Variants in PHTF2 observed in about 807,000 individuals in gnomAD.
PHTF2 encodes protein PHTF2.
In PHTF2, 60 loss-of-function variants were observed where a neutral mutation model predicts 101.2. The ratio of observed to expected loss-of-function variants is 0.59; its 90% CI spans 0.48 to 0.73. The LOEUF is 0.73. PHTF2 is among the 30% of genes least tolerant of loss of function. The probability of loss-of-function intolerance (pLI) is 0.00; values close to 1 mark genes in which losing one functional copy is unlikely to be tolerated. For missense variants in PHTF2, 747 were observed against 908.7 expected, an observed-to-expected ratio of 0.82 and a Z score of 2.29; for synonymous variants, 311 against 307.3, an observed-to-expected ratio of 1.01 and a Z score of -0.13.
At chr7:77,947,837 CTT>C (rs71082798) in intron 16 of PHTF2, among the ~76,000 whole-genome samples, 3 of 73,806 alleles carry the variant, frequency 4.1e-5, no homozygotes, top group East Asian at 4.9e-4. Flanking sequence ...TTTTTTCTTT[CTT>C]TTTTTTTTTT....
chr7:77,932,163 G>A (rs557385876), intron 12 of PHTF2, among the ~76,000 whole-genome samples: 52 of 152,284 alleles, frequency 3.4e-4, no homozygotes, highest in African/African-American at 1.2e-3. Context: ...GTGGTAATTA[G>A]GGAAATTGAG....
At chr7:77,947,534 G>C (rs1046497600) in intron 16 of PHTF2, among the ~76,000 whole-genome samples, 1 of 152,090 alleles carries the variant, frequency 6.6e-6, no homozygotes, top group Non-Finnish European at 1.5e-5. Flanking sequence ...CTGCACTCCA[G>C]CCTGGGCGAC....
intron 16 of PHTF2, among the ~76,000 whole-genome samples, chr7:77,944,663 A>G (rs1166925190): frequency 6.6e-6 from 1 of 152,228 alleles, no homozygotes; most frequent in African/African-American, 2.4e-5. Context: ...ACAGTCTAAC[A>G]TGAAGGAGTC....
At position 77,892,120 on chromosome 7, in the gene PHTF2, A is replaced by G. The variant is rs1399829062; in HGVS notation, c.148-1488A>G. ...GTGAAACACCGTCTGTACTAAAAAT[A>G]CAAAAAATTAGCCAGGCGTGTTAAC... On this transcript the variant is annotated intron_variant, in intron 3 of 19. Transcript: ENST00000416283. Among the ~76,000 whole-genome samples, 3 of 152,158 alleles carry G rather than the reference A, an allele frequency of 2.0e-5. No individual in the cohort carries two copies. The East Asian group carries it at 5.8e-4, about 29-fold the overall frequency.
intron 1 of PHTF2, among the ~76,000 whole-genome samples, chr7:77,823,301 A>G (rs1400497027): frequency 1.3e-5 from 2 of 151,396 alleles, no homozygotes; most frequent in African/African-American, 4.9e-5. Context: ...GCTCTCTGCA[A>G]CCTCTGCCTC....
chr7:77,899,452 T>G (rs1289986458), intron 5 of PHTF2, among the ~76,000 whole-genome samples: 1 of 152,100 alleles, frequency 6.6e-6, no homozygotes, highest in African/African-American at 2.4e-5. Flanking sequence ...GTAGGTGTGT[T>G]TGCAATTATG....
intron 16 of PHTF2, among the ~76,000 whole-genome samples, chr7:77,945,076 AC>A (rs1372578631): frequency 6.6e-6 from 1 of 152,242 alleles, no homozygotes; most frequent in African/African-American, 2.4e-5. Flanking sequence ...GTGGTGGCCC[AC>A]GCCTGTAATC....
In PHTF2 at chr7:77,908,783, C is replaced by A; in HGVS notation, c.446-10C>A. On this transcript the variant is annotated splice_polypyrimidine_tract_variant and intron_variant, in intron 7 of 19. Coordinates refer to ENST00000416283, the Ensembl canonical transcript of PHTF2. ...CTATAATTAAGCATATTTTCTTTCC[C>A]TTTTTATAGTTGCTGCAATAGTATT... 6.5e-7 allele frequency: 1 copy of A among 1,526,966 alleles called. No homozygotes were observed. Among genetic ancestry groups the A allele is most frequent in the Non-Finnish European group, 8.9e-7 (1 of 1,126,538 alleles). The allele number at this position is 1,526,966 out of a possible 1,614,324, so 94.6% of individuals were successfully genotyped here.
At chr7:77,919,216 G>T (rs1803214367) in intron 9 of PHTF2, among the ~76,000 whole-genome samples, 1 of 152,150 alleles carries the variant, frequency 6.6e-6, no homozygotes, top group Admixed American at 6.5e-5. Flanking sequence ...TGAGTTTTAA[G>T]GTCCTGCTCA....
chr7:77,826,037 T>C (rs953660257), intron 1 of PHTF2, among the ~76,000 whole-genome samples: 1 of 152,090 alleles, frequency 6.6e-6, no homozygotes, highest in African/African-American at 2.4e-5. Flanking sequence ...GAAAAAAATA[T>C]GAAATGATTA....
At chr7:77,851,025 G>A (rs1796718689) in intron 2 of PHTF2, among the ~76,000 whole-genome samples, 1 of 152,116 alleles carries the variant, frequency 6.6e-6, no homozygotes, top group South Asian at 2.1e-4. Flanking sequence ...TTGCTATTGT[G>A]TTGAGGATTT....
chr7:77,903,963 T>G (rs911399519), intron 7 of PHTF2, among the ~76,000 whole-genome samples: 1 of 152,354 alleles, frequency 6.6e-6, no homozygotes, highest in South Asian at 2.1e-4. Flanking sequence ...TTTTTAAGTA[T>G]CTCAGCTATG....
chr7:77,926,224 C>G (rs848491), intron 11 of PHTF2, among the ~76,000 whole-genome samples: 63,987 of 151,982 alleles, frequency 0.42, 15,280 homozygotes, highest in East Asian at 0.68. Context: ...ATATAATAAA[C>G]TATCTTTATC....
At chr7:77,836,796 C>T (rs921707180) in intron 1 of PHTF2, among the ~76,000 whole-genome samples, 1 of 151,160 alleles carries the variant, frequency 6.6e-6, no homozygotes, top group Non-Finnish European at 1.5e-5. Context: ...GGGAGGGAAA[C>T]ATCATACACC....
At chr7:77,953,171 C>T (rs898021084) in intron 18 of PHTF2, among the ~76,000 whole-genome samples, 2 of 152,104 alleles carry the variant, frequency 1.3e-5, no homozygotes, top group Admixed American at 6.5e-5. Context: ...CCTCTATGGC[C>T]CCATTATTTG....
exon 20 of PHTF2, chr7:77,955,250 A>G (rs1806923033): frequency 6.4e-6 from 1 of 156,362 alleles, no homozygotes; most frequent in South Asian, 2.0e-4. Context: ...TTACTTGAGG[A>G]AAAATTCTTT....
intron 3 of PHTF2, among the ~76,000 whole-genome samples, chr7:77,878,411 C>A (rs556344357): frequency 6.6e-4 from 101 of 152,196 alleles, no homozygotes; most frequent in African/African-American, 2.3e-3. Flanking sequence ...ATACCTCAAA[C>A]ACCAATTTTA....
At chr7:77,846,590 TCCCCTC>T (rs1796310730) in intron 2 of PHTF2, among the ~76,000 whole-genome samples, 2 of 40,988 alleles carry the variant, frequency 4.9e-5, no homozygotes, top group Non-Finnish European at 9.2e-5. Context: ...TCCCCTCGCC[TCCCCTC>T]GCCTCCCTTC....
At chr7:77,818,275 A>G (rs189956127) in intron 1 of PHTF2, among the ~76,000 whole-genome samples, 112 of 151,944 alleles carry the variant, frequency 7.4e-4, no homozygotes, top group Non-Finnish European at 9.3e-4. Flanking sequence ...ATATAATCTC[A>G]TTTATTTTTG....
Sources: allele counts gnomAD v4.1 joint callset (sites outside exome capture counted in the v4.1 genomes callset), GRCh38; gene constraint gnomAD v4.1.1; transcripts MANE v1.5; gene names NCBI Gene and HGNC (gene_info 2026-07-23, HGNC 2026-07-21).